ZNF23: variants seen among roughly 807,000 people sequenced by gnomAD.
ZNF23 encodes zinc finger protein 23, also known as kruppel-like zinc finger factor X31.
Under a neutral mutation model 56.2 loss-of-function variants are expected in ZNF23, and 48 were observed. The ratio of observed to expected loss-of-function variants is 0.85; its 90% CI spans 0.68 to 1.09. The LOEUF (loss-of-function observed/expected upper bound fraction) is 1.09, where lower values mean the gene tolerates loss of function less well. Ranked by LOEUF, ZNF23 falls within the 50% of genes least tolerant of loss-of-function variation. The pLI, the probability that ZNF23 is intolerant of heterozygous loss-of-function variation, is 0.00. For synonymous variants in ZNF23, 266 were observed against 283.3 expected (o/e 0.94, Z 0.61); for missense variants, 805 against 811.4 (o/e 0.99, Z 0.10).
At chr16:71,453,742 T>C (rs2043132051) in intron 3 of ZNF23, 1 of 542,358 alleles carries the variant, frequency 1.8e-6, no homozygotes. Context: ...ACAGGTAAGA[T>C]GAGGGGGCAA....
chr16:71,460,071 G>C (rs1409848065), intron 1 of ZNF23, among the ~76,000 whole-genome samples: 1 of 152,150 alleles, frequency 6.6e-6, no homozygotes, highest in Non-Finnish European at 1.5e-5. Context: ...GCAGGTGTTT[G>C]CAAGAACGTA....
intron 3 of ZNF23, 27 bp from the exon 4 acceptor site, chr16:71,453,377 G>T: frequency 1.3e-6 from 2 of 1,501,304 alleles, no homozygotes; most frequent in Non-Finnish European, 9.1e-7. Flanking sequence ...AAATAGGAGA[G>T]ACAGATGAAT....
intron 1 of ZNF23, among the ~76,000 whole-genome samples, chr16:71,461,095 G>A (rs2145146948): frequency 6.6e-6 from 1 of 152,226 alleles, no homozygotes; most frequent in East Asian, 1.9e-4. Context: ...ACATGCATAT[G>A]TAATTATTTT....
At chr16:71,458,049 G>A (rs536445771) in intron 1 of ZNF23, among the ~76,000 whole-genome samples, 3 of 152,240 alleles carry the variant, frequency 2.0e-5, no homozygotes, top group African/African-American at 7.2e-5. Context: ...GAGGTCTTGA[G>A]AGGTCAGTCC....
chr16:71,453,746 G>A lies in ZNF23; in HGVS notation c.160+296C>T, dbSNP rs1033369940. Reference sequence around the variant, plus strand: ...AAAGACTCAAGACAGGTAAGATGAGGGGGCAACTGAAGATGCCACTGTGGA... The same window carrying A: ...AAAGACTCAAGACAGGTAAGATGAGAGGGCAACTGAAGATGCCACTGTGGA... On this transcript the variant is annotated intron_variant, in intron 3 of 4. Transcript: ENST00000647773. 6 of 545,112 alleles carry A rather than the reference G, an allele frequency of 1.1e-5. No homozygotes were observed. In the African/African-American group the frequency reaches 1.1e-4, roughly 10 times the overall value. The allele number at this position is 545,112 out of a possible 1,614,324, so 33.8% of individuals were successfully genotyped here.
intron 4 of ZNF23, chr16:71,450,931 C>T (rs554716240): frequency 3.3e-5 from 6 of 183,686 alleles, no homozygotes; most frequent in Admixed American, 1.3e-4. Context: ...AAGATGACAA[C>T]AGTCAGCAGC....
chr16:71,454,325 A>C, intron 2 of ZNF23, 157 bp from the exon 3 acceptor site: 1 of 994,148 alleles, frequency 1.0e-6, no homozygotes, highest in Non-Finnish European at 1.4e-6. Flanking sequence ...AATATCGAGA[A>C]AGTAAACTAC....
At position 71,449,104 on chromosome 16, in the gene ZNF23, A is replaced by C; in HGVS notation, c.1050T>G (p.Pro350=). 6.2e-7 allele frequency: 1 copy of C among 1,614,140 alleles called. No individual in the cohort carries two copies. Among genetic ancestry groups the C allele is most frequent in the Non-Finnish European group, 8.5e-7 (1 of 1,180,022 alleles). ...THQRVHTGEK[P]YECNDCGKAF... ...CTTTCCCACAGTCATTACACTCGTA[A>C]GGTTTCTCTCCAGTGTGGACTCTCT... Residue 350 remains proline (P), a synonymous_variant, in exon 5 of 5, where the codon CCT becomes CCG. Transcript: ENST00000647773.
At position 71,448,754 on chromosome 16, in the gene ZNF23, T is replaced by G. The variant is rs1334963820; in HGVS notation, c.1400A>C (p.Glu467Ala). 6.2e-7 allele frequency: 1 copy of G among 1,614,224 alleles called. No homozygotes were observed. Among genetic ancestry groups the G allele is most frequent in the Non-Finnish European group, 8.5e-7 (1 of 1,180,046 alleles). ...GTTACATCTGAAGGCTTTCCCGCAT[T>G]CATTACACTCATAGGGTTTCTCGCC... The part of the protein sequence containing the change: ...HTGEKPYECN[E>A]CGKAFRCNSQ... Residue 467 changes from glutamate (E) to alanine (A), a missense_variant, in exon 5 of 5, where the codon GAA becomes GCA. By Grantham distance (107) the Glu-to-Ala change is moderately radical. Coordinates refer to ENST00000647773, the MANE Select transcript of ZNF23 (RefSeq NM_001381984.1).
intron 1 of ZNF23, among the ~76,000 whole-genome samples, chr16:71,460,180 C>A (rs115499134): frequency 3.3e-5 from 5 of 152,126 alleles, no homozygotes; most frequent in Non-Finnish European, 5.9e-5. Context: ...TACTTAGAGA[C>A]GAGGGGCATC....
chr16:71,455,753 T>C (rs2043208978), intron 2 of ZNF23, among the ~76,000 whole-genome samples: 2 of 152,242 alleles, frequency 1.3e-5, no homozygotes, highest in Non-Finnish European at 2.9e-5. Context: ...GGGATTCTTC[T>C]TTGTGAAGTG....
chr16:71,450,944 C>T (rs2043038336), intron 4 of ZNF23: 1 of 176,948 alleles, frequency 5.7e-6, no homozygotes, highest in African/African-American at 2.4e-5. Context: ...TCAGCAGCAC[C>T]AGGGAGCAAA....
chr16:71,450,021 C>A, intron 4 of ZNF23, 136 bp from the exon 5 acceptor site: 1 of 627,620 alleles, frequency 1.6e-6, no homozygotes, highest in Non-Finnish European at 2.6e-6. Flanking sequence ...TAGGGTTTCT[C>A]CATAAGGTGG....
Position 71,453,369 on chromosome 16 carries a change from A to G in ZNF23, c.161-19T>C, listed in dbSNP as rs190583126. On this transcript the variant is annotated intron_variant, in intron 3 of 4. Transcript: ENST00000647773. ...GGAAATCCTGGTTTGGGAGAGGTAA[A>G]TAGGAGAGACAGATGAATAAACTCC... is the stretch of plus-strand genomic sequence containing the variant. The G allele has an allele frequency of 6.4e-5, 99 of 1,541,456 alleles. No homozygotes were observed. The African/African-American group carries it at 9.2e-4, about 14-fold the overall frequency.
chr16:71,449,798 T>C lies in ZNF23; in HGVS notation c.356A>G (p.Gln119Arg). Residue 119 changes from glutamine (Q) to arginine (R), a missense_variant, in exon 5 of 5, where the codon CAG becomes CGG. Coordinates refer to ENST00000647773, the MANE Select transcript of ZNF23 (RefSeq NM_001381984.1). ...VSFELQRDFS[Q>R]ETDFSEASLL... ...AGAGGCTTCTGAAAAGTCTGTTTCC[T>C]GGGAAAAGTCTCTTTGAAGTTCAAA... is the stretch of plus-strand genomic sequence containing the variant. The C allele has an allele frequency of 1.2e-6, 2 of 1,614,064 alleles. No individual in the cohort carries two copies. The highest frequency in any genetic ancestry group is 1.7e-6 in the Non-Finnish European group (2 of 1,180,026).
chr16:71,448,037 T>G lies in ZNF23; in HGVS notation c.*56A>C. The G allele has an allele frequency of 1.4e-6, 2 of 1,406,686 alleles. No homozygotes were observed. The highest frequency in any genetic ancestry group is 1.9e-6 in the Non-Finnish European group (2 of 1,036,256). 87.1% of individuals were successfully genotyped at this position (1,406,686 alleles called of 1,614,324 possible). ...GAGGTTTTTCAATGGATGAATCTGA[T>G]GATACTTGATCCATTTTGGCATTAA... On this transcript the variant is annotated 3_prime_UTR_variant, in exon 5 of 5. Coordinates refer to ENST00000647773, the MANE Select transcript of ZNF23 (RefSeq NM_001381984.1).
intron 3 of ZNF23, 100 bp downstream of exon 3, chr16:71,453,942 G>A (rs1195619812): frequency 7.2e-7 from 1 of 1,394,930 alleles, no homozygotes; most frequent in Non-Finnish European, 1.0e-6. Context: ...TTCTCACTCA[G>A]TAAAGGATTA....
intron 1 of ZNF23, among the ~76,000 whole-genome samples, chr16:71,457,965 G>C (rs1036827286): frequency 1.3e-5 from 2 of 152,134 alleles, no homozygotes; most frequent in African/African-American, 4.8e-5. Context: ...GCCTGGAGAA[G>C]GCAGCTGCCC....
In ZNF23 at chr16:71,449,635, C is replaced by A; in HGVS notation, c.519G>T (p.Gln173His). Residue 173 changes from glutamine to histidine, a missense_variant, in exon 5 of 5, where the codon CAG becomes CAT. By Grantham distance (24) the Gln-to-His change is conservative. Transcript: ENST00000647773. ...GCTGCTCTCCAGTGATGGTATGACA[C>A]TGATATGAGTTTGAACTTTGACTAA... ...CFFSQSSNSY[Q>H]CHTITGEQPS... The A allele has an allele frequency of 6.2e-7, 1 of 1,613,946 alleles. No individual in the cohort carries two copies. The highest frequency in any genetic ancestry group is 8.5e-7 in the Non-Finnish European group (1 of 1,180,020).
Sources: gnomAD v4.1 joint callset for allele counts (sites outside exome capture counted in the v4.1 genomes callset) on GRCh38, gnomAD v4.1.1 for gene constraint, MANE v1.5 for transcripts, NCBI Gene and HGNC (gene_info 2026-07-23, HGNC 2026-07-21) for gene names.